The following DLGAP1 variants were observed in gnomAD, a reference collection of about 807,000 sequenced individuals.
DLGAP1 encodes the protein DLG associated protein 1, also known as disks large-associated protein 1.
A neutral mutation model predicts 90.8 loss-of-function variants in DLGAP1; 11 were observed. The observed-to-expected ratio is 0.12, with a 90% CI of 0.08 to 0.20. The LOEUF (loss-of-function observed/expected upper bound fraction) is 0.20, where lower values mean the gene tolerates loss of function less well. Among genes scored for constraint, DLGAP1 ranks in the 10% least tolerant of loss-of-function variants. DLGAP1 has a pLI of 1.00. For missense variants in DLGAP1, 1,050 were observed against 1,333.8 expected (o/e 0.79, Z 3.31); for synonymous variants, 558 against 540.7 (o/e 1.03, Z -0.44).
chr18:4,107,572 T>C (rs78011301), intron 2 of DLGAP1, among the ~76,000 whole-genome samples: 11 of 152,338 alleles, frequency 7.2e-5, no homozygotes, highest in East Asian at 3.9e-4. Context: ...ATTTAGGCTG[T>C]AGTGATGGTT....
Position 4,226,730 on chromosome 18 carries a change from A to G in DLGAP1, c.-266-75443T>C, listed in dbSNP as rs150568170. On this transcript the variant is annotated intron_variant, in intron 1 of 12. Transcript: ENST00000315677. ...ATACACAAAAAAATAGAAAGCAATA[A>G]ATGAAAACAGACCACAAGAGAAAAT... is the stretch of plus-strand genomic sequence containing the variant. 5.1e-4 allele frequency among the ~76,000 whole-genome samples: 78 copies of G among 151,564 alleles called. 1 individual carries two copies. Among genetic ancestry groups the G allele is most frequent in the African/African-American group, 1.8e-3 (74 of 41,482 alleles).
intron 2 of DLGAP1, among the ~76,000 whole-genome samples, chr18:4,108,596 C>T (rs2075912986): frequency 2.5e-5 from 1 of 39,900 alleles, no homozygotes; most frequent in African/African-American, 2.2e-4. Flanking sequence ...TATTTATTAG[C>T]ATTAGCTAAT....
At chr18:4,053,295 T>C (rs1428463529) in intron 2 of DLGAP1, among the ~76,000 whole-genome samples, 2 of 152,174 alleles carry the variant, frequency 1.3e-5, no homozygotes, top group African/African-American at 4.8e-5. Context: ...AAACATGTCC[T>C]TCTTCACATA....
At chr18:4,225,002 C>T (rs190739554) in intron 1 of DLGAP1, among the ~76,000 whole-genome samples, 3 of 152,162 alleles carry the variant, frequency 2.0e-5, no homozygotes, top group African/African-American at 7.2e-5. Context: ...CACACCCCCC[C>T]ACACACACAT....
chr18:4,052,625 G>T (rs1384171072), intron 2 of DLGAP1, among the ~76,000 whole-genome samples: 1 of 152,150 alleles, frequency 6.6e-6, no homozygotes, highest in Non-Finnish European at 1.5e-5. Flanking sequence ...TTTCCCCATT[G>T]TTTGGTGATT....
chr18:4,331,963 C>T (rs1289001719), intron 1 of DLGAP1, among the ~76,000 whole-genome samples: 1 of 151,816 alleles, frequency 6.6e-6, no homozygotes, highest in Non-Finnish European at 1.5e-5. Flanking sequence ...ATATTTGGTC[C>T]TTGCTCTCAA....
intron 1 of DLGAP1, among the ~76,000 whole-genome samples, chr18:4,300,907 T>A (rs1205272146): frequency 6.6e-6 from 1 of 152,174 alleles, no homozygotes; most frequent in East Asian, 1.9e-4. Flanking sequence ...TCAAAGGTTA[T>A]CTCTCCTTTG....
intron 1 of DLGAP1, among the ~76,000 whole-genome samples, chr18:4,329,225 A>AG (rs2080893738): frequency 6.6e-6 from 1 of 152,008 alleles, no homozygotes; most frequent in Admixed American, 6.5e-5. Flanking sequence ...TTTTTCCACA[A>AG]GGATTTCCAA....
intron 2 of DLGAP1, among the ~76,000 whole-genome samples, chr18:4,117,777 G>T (rs1412557382): frequency 6.6e-6 from 1 of 152,186 alleles, no homozygotes; most frequent in Non-Finnish European, 1.5e-5. Context: ...GGCTGCCAGG[G>T]ATCAGCATGG....
chr18:4,215,430 C>T (rs549246288), intron 1 of DLGAP1, among the ~76,000 whole-genome samples: 5 of 152,178 alleles, frequency 3.3e-5, no homozygotes, highest in African/African-American at 7.2e-5. Flanking sequence ...ACTAAGGGGA[C>T]GAGCAGAGTC....
intron 3 of DLGAP1, among the ~76,000 whole-genome samples, chr18:3,955,949 G>A (rs2073076300): frequency 6.6e-6 from 1 of 152,168 alleles, no homozygotes; most frequent in South Asian, 2.1e-4. Context: ...ATACATTGGT[G>A]AGCTGTGAGA....
intron 2 of DLGAP1, among the ~76,000 whole-genome samples, chr18:4,098,258 T>C (rs1289920747): frequency 6.6e-6 from 1 of 152,168 alleles, no homozygotes; most frequent in African/African-American, 2.4e-5. Context: ...TACATAAAAA[T>C]ACAAGAAGAT....
chr18:3,973,139 C>T (rs2073488776), intron 3 of DLGAP1, among the ~76,000 whole-genome samples: 1 of 151,864 alleles, frequency 6.6e-6, no homozygotes, highest in Non-Finnish European at 1.5e-5. Flanking sequence ...GTTGAGTAAT[C>T]CAATCTTTAT....
At chr18:3,836,401 C>A (rs1461929206) in intron 4 of DLGAP1, among the ~76,000 whole-genome samples, 3 of 152,158 alleles carry the variant, frequency 2.0e-5, no homozygotes, top group East Asian at 1.9e-4. Flanking sequence ...TATATGCCAT[C>A]ACTATGCAAC....
At chr18:3,865,967 G>A (rs2070356610) in intron 4 of DLGAP1, among the ~76,000 whole-genome samples, 1 of 152,188 alleles carries the variant, frequency 6.6e-6, no homozygotes, top group Non-Finnish European at 1.5e-5. Context: ...ATGAAAAGAT[G>A]TTCAGTATGG....
intron 5 of DLGAP1, among the ~76,000 whole-genome samples, chr18:3,787,255 G>T (rs1260422948): frequency 6.6e-6 from 1 of 151,818 alleles, no homozygotes; most frequent in Non-Finnish European, 1.5e-5. Context: ...AGGCCGAGGC[G>T]GGCGGATCAC....
intron 7 of DLGAP1, chr18:3,679,726 C>T (rs1009934634): frequency 6.6e-6 from 1 of 151,468 alleles, no homozygotes; most frequent in African/African-American, 2.4e-5. Context: ...GATTGTTGAG[C>T]CCAGGAGTTT....
chr18:4,052,329 T>C (rs2075146537), intron 2 of DLGAP1, among the ~76,000 whole-genome samples: 1 of 152,160 alleles, frequency 6.6e-6, no homozygotes, highest in Non-Finnish European at 1.5e-5. Context: ...TCCTTTGAAA[T>C]CTAGGTGGAG....
intron 1 of DLGAP1, among the ~76,000 whole-genome samples, chr18:4,277,009 C>A (rs1449225803): frequency 6.6e-6 from 1 of 152,150 alleles, no homozygotes; most frequent in Admixed American, 6.5e-5. Context: ...TTTTCTAACC[C>A]ATAAATAAAT....
Sources: gnomAD v4.1 joint callset for allele counts (sites outside exome capture counted in the v4.1 genomes callset) on GRCh38, gnomAD v4.1.1 for gene constraint, MANE v1.5 for transcripts, NCBI Gene and HGNC (gene_info 2026-07-23, HGNC 2026-07-21) for gene names.